The following FAM169A variants were observed in gnomAD, a reference collection of about 807,000 sequenced individuals.
FAM169A encodes family with sequence similarity 169 member A, also known as soluble lamin-associated protein of 75 kDa.
Under a neutral mutation model 75.7 loss-of-function variants are expected in FAM169A, and 24 were observed. That is an observed-to-expected ratio of 0.32 (90% CI 0.23 to 0.45). The LOEUF (loss-of-function observed/expected upper bound fraction) is 0.45. Among genes scored for constraint, FAM169A ranks in the 20% least tolerant of loss-of-function variants. The pLI, the probability that FAM169A is intolerant of heterozygous loss-of-function variation, is 1.00. For missense variants in FAM169A, 673 were observed against 784.0 expected, an observed-to-expected ratio of 0.86 and a Z score of 1.69; for synonymous variants, 271 against 271.0, an observed-to-expected ratio of 1.00 and a Z score of 0.00.
chr5:74,839,544 G>C (rs1042711233), intron 3 of FAM169A, among the ~76,000 whole-genome samples: 5 of 137,544 alleles, frequency 3.6e-5, no homozygotes, highest in African/African-American at 1.4e-4. Flanking sequence ...TTTTTTTTGA[G>C]ATGGAGTTTC....
chr5:74,844,021 T>C (rs1418121722), intron 1 of FAM169A, among the ~76,000 whole-genome samples: 3 of 152,190 alleles, frequency 2.0e-5, no homozygotes, highest in Non-Finnish European at 4.4e-5. Flanking sequence ...CAACCAAGTT[T>C]AGAATAACTC....
At chr5:74,805,594 G>C (rs906341713) in intron 6 of FAM169A, among the ~76,000 whole-genome samples, 1 of 138,622 alleles carries the variant, frequency 7.2e-6, no homozygotes, top group Non-Finnish European at 1.5e-5. Context: ...GCAGTGGCGC[G>C]ATCTCGGCTC....
At chr5:74,837,043 T>C (rs1748606924) in intron 4 of FAM169A, among the ~76,000 whole-genome samples, 1 of 152,162 alleles carries the variant, frequency 6.6e-6, no homozygotes, top group African/African-American at 2.4e-5. Flanking sequence ...CTCCTCCTCT[T>C]TTCCCAATCC....
intron 6 of FAM169A, among the ~76,000 whole-genome samples, chr5:74,809,590 C>T (rs1169872024): frequency 1.3e-5 from 2 of 151,610 alleles, no homozygotes; most frequent in East Asian, 3.9e-4. Context: ...AGCGAGACTA[C>T]GTCTCAAAAA....
chr5:74,832,901 T>C (rs556573280), intron 5 of FAM169A, among the ~76,000 whole-genome samples: 12 of 151,972 alleles, frequency 7.9e-5, no homozygotes, highest in Admixed American at 5.3e-4. Context: ...ATTAGAGATA[T>C]ATGGAAGGGA....
chr5:74,835,405 C>T (rs62366450), intron 4 of FAM169A, among the ~76,000 whole-genome samples: 12,890 of 151,758 alleles, frequency 0.085, 676 homozygotes, highest in Admixed American at 0.16. Flanking sequence ...TTGAGACCAG[C>T]CTGGGCAACA....
intron 11 of FAM169A, among the ~76,000 whole-genome samples, chr5:74,790,010 G>A (rs1745893404): frequency 6.6e-6 from 1 of 152,214 alleles, no homozygotes; most frequent in African/African-American, 2.4e-5. Context: ...AGTGGGTCAT[G>A]CACTGCAGCA....
At chr5:74,830,117 A>C (rs929371524) in intron 5 of FAM169A, among the ~76,000 whole-genome samples, 4 of 152,220 alleles carry the variant, frequency 2.6e-5, no homozygotes, top group African/African-American at 9.6e-5. Flanking sequence ...AGTAAACAGC[A>C]CAATATTAGA....
rs1270319456 is a variant in FAM169A at position 74,832,656 on chromosome 5, T to C, written c.490+1770A>G. ...ATACTTTATATATATAAATATAACA[T>C]TTATTTATATATATATACACACACA... On this transcript the variant is annotated intron_variant, in intron 5 of 12. Coordinates refer to ENST00000687041, the MANE Select transcript of FAM169A (RefSeq NM_001376049.1). Among the ~76,000 whole-genome samples, 6 of 149,364 alleles carry C rather than the reference T, an allele frequency of 4.0e-5. No individual in the cohort carries two copies. The Admixed American group carries it at 4.0e-4, about 10-fold the overall frequency.
chr5:74,793,848 A>G (rs930550560), intron 11 of FAM169A, among the ~76,000 whole-genome samples: 1 of 151,920 alleles, frequency 6.6e-6, no homozygotes, highest in East Asian at 1.9e-4. Flanking sequence ...CTAAAAATAG[A>G]AAAAATTAGC....
chr5:74,859,535 G>A (rs539707686), intron 1 of FAM169A, among the ~76,000 whole-genome samples: 4 of 152,074 alleles, frequency 2.6e-5, no homozygotes, highest in East Asian at 2.0e-4. Flanking sequence ...TGATCCACCC[G>A]CCTTGGCCTC....
intron 5 of FAM169A, among the ~76,000 whole-genome samples, chr5:74,819,816 T>C (rs1361606423): frequency 1.3e-5 from 2 of 152,136 alleles, no homozygotes; most frequent in Non-Finnish European, 2.9e-5. Flanking sequence ...AGTCACATAT[T>C]ATTCATATAA....
intron 8 of FAM169A, among the ~76,000 whole-genome samples, chr5:74,804,076 T>C (rs963073858): frequency 6.6e-6 from 1 of 152,080 alleles, no homozygotes; most frequent in Admixed American, 6.6e-5. Context: ...ATGCTTCCAA[T>C]ATTACATTAA....
At chr5:74,819,352 A>G (rs534598313) in intron 5 of FAM169A, among the ~76,000 whole-genome samples, 1 of 152,350 alleles carries the variant, frequency 6.6e-6, no homozygotes, top group African/African-American at 2.4e-5. Context: ...TTACAATGGC[A>G]CGGCTACTTC....
In FAM169A at chr5:74,781,349, G is replaced by T; in HGVS notation, c.*111C>A. 9.6e-7 allele frequency: 1 copy of T among 1,040,814 alleles called. No homozygotes were observed. Among genetic ancestry groups the T allele is most frequent in the Non-Finnish European group, 1.4e-6 (1 of 716,766 alleles). 64.5% of individuals were successfully genotyped at this position (1,040,814 alleles called of 1,614,324 possible). On this transcript the variant is annotated 3_prime_UTR_variant, in exon 13 of 13. Transcript: ENST00000687041. ...ACTGCATAGTAAGTAAGTTCAAATT[G>T]AAATTTTGGAAATTTTTGTCCTGTG...
At chr5:74,820,978 T>C (rs985714587) in intron 5 of FAM169A, among the ~76,000 whole-genome samples, 6 of 152,228 alleles carry the variant, frequency 3.9e-5, no homozygotes, top group Non-Finnish European at 5.9e-5. Context: ...GCTCTTTGCC[T>C]GAAAATTTCT....
intron 1 of FAM169A, among the ~76,000 whole-genome samples, chr5:74,850,300 TGAAA>T (rs1749376507): frequency 1.3e-5 from 2 of 152,214 alleles, no homozygotes; most frequent in Non-Finnish European, 2.9e-5. Flanking sequence ...TTGGTATGTC[TGAAA>T]GCACAGCATC....
intron 5 of FAM169A, among the ~76,000 whole-genome samples, chr5:74,833,761 G>C (rs992947733): frequency 6.6e-6 from 1 of 152,192 alleles, no homozygotes; most frequent in Non-Finnish European, 1.5e-5. Context: ...GGTGTGGATT[G>C]TATGTGTACA....
intron 5 of FAM169A, among the ~76,000 whole-genome samples, chr5:74,823,151 G>A (rs925599131): frequency 6.6e-6 from 1 of 152,114 alleles, no homozygotes; most frequent in Non-Finnish European, 1.5e-5. Flanking sequence ...ATAGCTTCCT[G>A]GCCAATAAAA....
Sources: gnomAD v4.1 joint callset for allele counts (sites outside exome capture counted in the v4.1 genomes callset) on GRCh38, gnomAD v4.1.1 for gene constraint, MANE v1.5 for transcripts, NCBI Gene and HGNC (gene_info 2026-07-23, HGNC 2026-07-21) for gene names.